KCNAB1: variants seen among roughly 807,000 people sequenced by gnomAD.
KCNAB1 encodes the protein potassium voltage-gated channel subfamily A regulatory beta subunit 1.
Under a neutral mutation model 64.6 loss-of-function variants are expected in KCNAB1, and 35 were observed. That is an observed-to-expected ratio of 0.54 (90% CI 0.41 to 0.72). The LOEUF is 0.72. KCNAB1 is among the 30% of genes least tolerant of loss of function. KCNAB1 has a pLI of 0.00. For synonymous variants in KCNAB1, 177 were observed against 183.8 expected, an observed-to-expected ratio of 0.96 and a Z score of 0.30; for missense variants, 401 against 512.9, an observed-to-expected ratio of 0.78 and a Z score of 2.11.
At chr3:156,318,418 C>T (rs1360741162) in intron 1 of KCNAB1, among the ~76,000 whole-genome samples, 2 of 152,150 alleles carry the variant, frequency 1.3e-5, no homozygotes, top group African/African-American at 4.8e-5. Flanking sequence ...ACCACATGCC[C>T]TATCCACAGG....
intron 1 of KCNAB1, among the ~76,000 whole-genome samples, chr3:156,254,582 G>A (rs1467719861): frequency 1.3e-5 from 2 of 152,228 alleles, no homozygotes; most frequent in East Asian, 3.8e-4. Context: ...CCAGGCTTAT[G>A]AGAAGTCTCA....
chr3:156,491,942 G>C (rs2108352504), intron 8 of KCNAB1, among the ~76,000 whole-genome samples: 1 of 152,138 alleles, frequency 6.6e-6, no homozygotes, highest in East Asian at 1.9e-4. Context: ...ATTCGATTCT[G>C]GAATGTAATT....
intron 1 of KCNAB1, among the ~76,000 whole-genome samples, chr3:156,408,177 T>C (rs969361605): frequency 2.0e-5 from 3 of 152,124 alleles, no homozygotes; most frequent in Non-Finnish European, 4.4e-5. Context: ...CCTCCAAAAA[T>C]GGCCGAACTC....
chr3:156,431,580 T>C (rs897193107), intron 2 of KCNAB1, among the ~76,000 whole-genome samples: 1 of 152,202 alleles, frequency 6.6e-6, no homozygotes, highest in Non-Finnish European at 1.5e-5. Context: ...CAGACATTCA[T>C]AGGAATGCCT....
chr3:156,293,726 G>A (rs1374764432), intron 1 of KCNAB1, among the ~76,000 whole-genome samples: 1 of 152,220 alleles, frequency 6.6e-6, no homozygotes, highest in Non-Finnish European at 1.5e-5. Context: ...TCCCTGTGAT[G>A]GAGAGAGTGG....
At chr3:156,208,092 A>T (rs577326303) in intron 1 of KCNAB1, among the ~76,000 whole-genome samples, 1 of 152,134 alleles carries the variant, frequency 6.6e-6, no homozygotes, top group East Asian at 1.9e-4. Context: ...TCTAGCACCA[A>T]TTGGCAGAAC....
chr3:156,535,470 A>T (rs763094901), intron 13 of KCNAB1, among the ~76,000 whole-genome samples: 1 of 152,124 alleles, frequency 6.6e-6, no homozygotes, highest in Non-Finnish European at 1.5e-5. Context: ...GGCTTCAGTC[A>T]GCATGTCGGT....
chr3:156,133,748 A>G (rs1228996997), intron 1 of KCNAB1, among the ~76,000 whole-genome samples: 2 of 152,226 alleles, frequency 1.3e-5, no homozygotes, highest in Non-Finnish European at 2.9e-5. Flanking sequence ...CAGGGAAGAG[A>G]AGCATCAGGA....
At chr3:156,315,043 G>A (rs538758708) in intron 1 of KCNAB1, among the ~76,000 whole-genome samples, 7 of 152,034 alleles carry the variant, frequency 4.6e-5, no homozygotes, top group Non-Finnish European at 8.8e-5. Flanking sequence ...ACATTTTCTC[G>A]GGTCTCCAAA....
chr3:156,248,633 C>A (rs1211367816), intron 1 of KCNAB1, among the ~76,000 whole-genome samples: 2 of 152,124 alleles, frequency 1.3e-5, no homozygotes, highest in Non-Finnish European at 2.9e-5. Flanking sequence ...AATATAATCT[C>A]ATTGCATATA....
chr3:156,190,812 G>A (rs758566625), intron 1 of KCNAB1, among the ~76,000 whole-genome samples: 1 of 152,122 alleles, frequency 6.6e-6, no homozygotes, highest in Non-Finnish European at 1.5e-5. Context: ...TCCTGCCTCA[G>A]TCTCCCAAGT....
At chr3:156,126,221 G>T (rs4680232) in intron 1 of KCNAB1, among the ~76,000 whole-genome samples, 1 of 151,978 alleles carries the variant, frequency 6.6e-6, no homozygotes, top group Non-Finnish European at 1.5e-5. Flanking sequence ...GGCTGGATCT[G>T]GGAGTGTGGC....
chr3:156,297,030 GTATGCCT>G (rs1720829295), intron 1 of KCNAB1, among the ~76,000 whole-genome samples: 1 of 152,074 alleles, frequency 6.6e-6, no homozygotes, highest in African/African-American at 2.4e-5. Context: ...TCTGCATGTT[GTATGCCT>G]ATGTATATTT....
At chr3:156,206,537 G>A (rs1714675020) in intron 1 of KCNAB1, among the ~76,000 whole-genome samples, 1 of 152,212 alleles carries the variant, frequency 6.6e-6, no homozygotes, top group South Asian at 2.1e-4. Context: ...ATCAGGGCAA[G>A]GCTAAAGCTA....
At chr3:156,172,988 A>C (rs1370734401) in intron 1 of KCNAB1, among the ~76,000 whole-genome samples, 1 of 152,202 alleles carries the variant, frequency 6.6e-6, no homozygotes, top group African/African-American at 2.4e-5. Context: ...TATTACATTC[A>C]CTTGTGGACC....
In KCNAB1 at chr3:156,482,802, G is replaced by A. The variant is rs149928861; in HGVS notation, c.658+7982G>A. Reference sequence around the variant, plus strand: ...TTAGGATGTTGCCTAGTAACTACTCGAAATTTAGAGCTACCATTTTTGTTA... The same window carrying A: ...TTAGGATGTTGCCTAGTAACTACTCAAAATTTAGAGCTACCATTTTTGTTA... On this transcript the variant is annotated intron_variant, in intron 8 of 13. Transcript: ENST00000490337. Among the ~76,000 whole-genome samples, 126 of 152,146 alleles carry A rather than the reference G, an allele frequency of 8.3e-4. 2 individuals carry two copies. In the South Asian group the frequency reaches 0.013, roughly 16 times the overall value.
intron 2 of KCNAB1, among the ~76,000 whole-genome samples, chr3:156,451,493 C>T (rs753402734): frequency 6.6e-6 from 1 of 152,124 alleles, no homozygotes; most frequent in East Asian, 1.9e-4. Context: ...TTCCACTTAT[C>T]GAGTTGGTTA....
chr3:156,361,718 A>G, intron 1 of KCNAB1, among the ~76,000 whole-genome samples: 1 of 152,152 alleles, frequency 6.6e-6, no homozygotes, highest in East Asian at 1.9e-4. Context: ...GAGACAGTGC[A>G]CACGATTATA....
intron 1 of KCNAB1, chr3:156,273,730 T>C: frequency 2.2e-6 from 1 of 446,216 alleles, no homozygotes; most frequent in Non-Finnish European, 4.5e-6. Flanking sequence ...TTTTTTTGTG[T>C]AGATAGTTGT....
Sources: allele counts gnomAD v4.1 joint callset (sites outside exome capture counted in the v4.1 genomes callset), GRCh38; gene constraint gnomAD v4.1.1; transcripts MANE v1.5; gene names NCBI Gene and HGNC (gene_info 2026-07-23, HGNC 2026-07-21).